The following ASCC3 variants were observed in gnomAD, a reference collection of about 807,000 sequenced individuals.
ASCC3 encodes activating signal cointegrator 1 complex subunit 3, also known as ASC-1 complex subunit P200.
Under a neutral mutation model 256.3 loss-of-function variants are expected in ASCC3, and 158 were observed. The ratio of observed to expected loss-of-function variants is 0.62; its 90% CI spans 0.54 to 0.70. The LOEUF (loss-of-function observed/expected upper bound fraction) is 0.70. ASCC3 is among the 30% of genes least tolerant of loss of function. The pLI is 0.00. For synonymous variants in ASCC3, 948 were observed against 883.4 expected (o/e 1.07, Z -1.30); for missense variants, 2,259 against 2,626.0 (o/e 0.86, Z 3.05).
intron 13 of ASCC3, among the ~76,000 whole-genome samples, chr6:100,695,463 G>A (rs1036399112): frequency 6.6e-6 from 1 of 152,082 alleles, no homozygotes; most frequent in Non-Finnish European, 1.5e-5. Context: ...GAAATTTCTG[G>A]TGTTCCTACA....
chr6:100,610,224 T>C (rs1773326591), intron 30 of ASCC3, among the ~76,000 whole-genome samples: 1 of 152,212 alleles, frequency 6.6e-6, no homozygotes, highest in Admixed American at 6.5e-5. Flanking sequence ...TATTTCCTTT[T>C]TTCTATTAGC....
intron 37 of ASCC3, among the ~76,000 whole-genome samples, chr6:100,518,703 A>C (rs897689543): frequency 6.6e-6 from 1 of 152,190 alleles, no homozygotes. Context: ...GAAGCTATTC[A>C]TATTAGTCTA....
chr6:100,859,164 T>C (rs1334691975), intron 3 of ASCC3: 3 of 780,114 alleles, frequency 3.8e-6, no homozygotes, highest in Non-Finnish European at 7.2e-6. Context: ...TCCTCCTCTT[T>C]TCCATCCAGC....
intron 4 of ASCC3, among the ~76,000 whole-genome samples, chr6:100,843,529 A>G (rs776280116): frequency 6.6e-6 from 1 of 152,192 alleles, no homozygotes; most frequent in Non-Finnish European, 1.5e-5. Flanking sequence ...CAGCATTAAT[A>G]GCTTTGCAAA....
intron 39 of ASCC3, among the ~76,000 whole-genome samples, chr6:100,515,484 G>T (rs1773975912): frequency 6.6e-6 from 1 of 152,122 alleles, no homozygotes; most frequent in Non-Finnish European, 1.5e-5. Context: ...ACTTTGACAT[G>T]TTTAGGGTAA....
At chr6:100,586,512 A>G (rs972051668) in intron 36 of ASCC3, among the ~76,000 whole-genome samples, 5 of 152,082 alleles carry the variant, frequency 3.3e-5, no homozygotes, top group Admixed American at 6.6e-5. Context: ...TCGGAAAGGG[A>G]ACTCCCTGAC....
intron 4 of ASCC3, among the ~76,000 whole-genome samples, chr6:100,816,971 G>A (rs1009541729): frequency 2.6e-5 from 4 of 151,416 alleles, no homozygotes; most frequent in Non-Finnish European, 5.9e-5. Flanking sequence ...ATTGAGCAAC[G>A]CTATAAACCA....
intron 24 of ASCC3, 64 bp downstream of exon 24, chr6:100,642,517 C>A: frequency 6.5e-7 from 1 of 1,545,312 alleles, no homozygotes; most frequent in South Asian, 1.1e-5. Context: ...AGACATTTTT[C>A]AACATTAATT....
intron 14 of ASCC3, among the ~76,000 whole-genome samples, chr6:100,663,361 G>A (rs1333769207): frequency 6.6e-6 from 1 of 152,050 alleles, no homozygotes; most frequent in African/African-American, 2.4e-5. Context: ...GCTCTTCTGA[G>A]TAGCATGATG....
chr6:100,727,649 TAAC>T (rs146240380), intron 10 of ASCC3, among the ~76,000 whole-genome samples: 2,183 of 60,530 alleles, frequency 0.036, 43 homozygotes, highest in African/African-American at 0.08. Flanking sequence ...TCTGGGTTTG[TAAC>T]AACAACAACA....
In ASCC3 at chr6:100,644,107, G is replaced by A; in HGVS notation, c.3656C>T (p.Pro1219Leu). The change falls in exon 23 of 42, where the codon CCT becomes CTT. Residue 1219 changes from proline (P) to leucine (L), a missense_variant. Pro to Leu is a moderately conservative substitution (Grantham distance 98). Around this residue, in one of 2 missense-constraint regions of ASCC3, gnomAD observed 1,839 missense variants for 2,206.7 expected, o/e 0.83. Transcript: ENST00000369162. ...AGGATCTTCTACCCAAATCCACCAA[G>A]GTTCTCCTACTGTCCCATGTACCTA... The part of the protein sequence containing the change: ...NDQVHGTVGE[P>L]WWIWVEDPTN... 6.2e-7 allele frequency: 1 copy of A among 1,612,394 alleles called. No individual in the cohort carries two copies. The highest frequency in any genetic ancestry group is 8.5e-7 in the Non-Finnish European group (1 of 1,179,100).
At chr6:100,517,867 C>T (rs769013703) in intron 38 of ASCC3, 124 bp downstream of exon 38, 28 of 1,090,722 alleles carry the variant, frequency 2.6e-5, no homozygotes, top group Non-Finnish European at 3.6e-5. Flanking sequence ...CTCTGGGAAA[C>T]AGGAGTATTT....
intron 36 of ASCC3, among the ~76,000 whole-genome samples, chr6:100,566,490 T>C (rs1770257615): frequency 6.6e-6 from 1 of 152,158 alleles, no homozygotes; most frequent in Non-Finnish European, 1.5e-5. Context: ...CAGCTGATGA[T>C]CTTGCTTCTT....
At chr6:100,821,913 G>A (rs1461485108) in intron 4 of ASCC3, among the ~76,000 whole-genome samples, 7 of 152,080 alleles carry the variant, frequency 4.6e-5, no homozygotes. Flanking sequence ...AAACAGTCAA[G>A]AAAGACCATA....
intron 36 of ASCC3, among the ~76,000 whole-genome samples, chr6:100,582,332 T>C (rs541533467): frequency 9.3e-4 from 142 of 152,148 alleles, no homozygotes; most frequent in African/African-American, 3.3e-3. Flanking sequence ...CTAGGTATTT[T>C]ATTCTCTTTG....
intron 26 of ASCC3, 92 bp downstream of exon 26, chr6:100,631,036 T>G (rs945729575): frequency 1.1e-6 from 1 of 905,236 alleles, no homozygotes; most frequent in Non-Finnish European, 1.8e-6. Flanking sequence ...TGAAAATCAC[T>G]GTAAAACCAT....
At chr6:100,670,646 C>CA (rs1416653497) in intron 14 of ASCC3, among the ~76,000 whole-genome samples, 1 of 146,480 alleles carries the variant, frequency 6.8e-6, no homozygotes, top group Non-Finnish European at 1.5e-5. Context: ...TTTTTCCCCC[C>CA]CAAATTCTTT....
At chr6:100,610,611 T>C (rs929565048) in intron 30 of ASCC3, among the ~76,000 whole-genome samples, 5 of 152,168 alleles carry the variant, frequency 3.3e-5, no homozygotes, top group Non-Finnish European at 7.4e-5. Context: ...TTCACTGAAC[T>C]GAATACAATG....
At chr6:100,637,459 T>C (rs892775148) in intron 25 of ASCC3, among the ~76,000 whole-genome samples, 2 of 152,208 alleles carry the variant, frequency 1.3e-5, no homozygotes, top group African/African-American at 4.8e-5. Context: ...GTTGTTTTCA[T>C]GCCTGCTAAC....
Sources: gnomAD v4.1 joint callset for allele counts (sites outside exome capture counted in the v4.1 genomes callset) on GRCh38, gnomAD v4.1.1 for gene constraint, gnomAD v4.1.1 regional missense constraint, MANE v1.5 for transcripts, NCBI Gene and HGNC (gene_info 2026-07-23, HGNC 2026-07-21) for gene names.